The following ANO3 variants were observed in gnomAD, a reference collection of about 807,000 sequenced individuals.
ANO3 encodes the protein anoctamin 3.
Under a neutral mutation model 144.8 loss-of-function variants are expected in ANO3, and 99 were observed. The ratio of observed to expected loss-of-function variants is 0.68; its 90% CI spans 0.58 to 0.81. The LOEUF is 0.81. Among genes scored for constraint, ANO3 ranks in the 30% least tolerant of loss-of-function variants. The pLI is 0.00. For missense variants in ANO3, 905 were observed against 1,202.2 expected (o/e 0.75, Z 3.66); for synonymous variants, 414 against 392.6 (o/e 1.05, Z -0.64).
intron 1 of ANO3, among the ~76,000 whole-genome samples, chr11:26,368,173 T>C (rs943484214): frequency 6.6e-6 from 1 of 152,224 alleles, no homozygotes; most frequent in Non-Finnish European, 1.5e-5. Flanking sequence ...AGCATTAAAT[T>C]CCACCTGAGT....
chr11:26,531,444 G>C, intron 8 of ANO3, 108 bp downstream of exon 8: 2 of 1,260,062 alleles, frequency 1.6e-6, no homozygotes, highest in Admixed American at 2.6e-5. Context: ...ATACGTCAGA[G>C]AACTTATCAT....
intron 12 of ANO3, among the ~76,000 whole-genome samples, chr11:26,551,344 C>T (rs2134225701): frequency 6.7e-6 from 1 of 148,732 alleles, no homozygotes; most frequent in South Asian, 2.2e-4. Context: ...TCAAGCACTG[C>T]AAAAGAAATT....
chr11:26,248,789 G>A (rs1007681140), intron 1 of ANO3, among the ~76,000 whole-genome samples: 3 of 152,136 alleles, frequency 2.0e-5, no homozygotes, highest in Non-Finnish European at 4.4e-5. Context: ...CCTGGGCAGG[G>A]ACTAGTACTG....
At chr11:26,432,388 C>G (rs972701804) in intron 1 of ANO3, among the ~76,000 whole-genome samples, 5 of 151,464 alleles carry the variant, frequency 3.3e-5, no homozygotes, top group Admixed American at 6.6e-5. Flanking sequence ...TAGTTTCTTT[C>G]CCTGCGAAGA....
In ANO3 at chr11:26,512,234, T is replaced by C. The variant is rs569760543; in HGVS notation, c.591+3972T>C. Among the ~76,000 whole-genome samples, 4 of 152,286 alleles carry C rather than the reference T, an allele frequency of 2.6e-5. No homozygotes were observed. In the South Asian group the frequency reaches 8.3e-4, roughly 32 times the overall value. Reference sequence around the variant, plus strand: ...CACCCTGTGCTAACAATTTGCAGAGTGACTTTGTAAAAACGTAATTTTTAA... The same window carrying C: ...CACCCTGTGCTAACAATTTGCAGAGCGACTTTGTAAAAACGTAATTTTTAA... On this transcript the variant is annotated intron_variant, in intron 5 of 26. Transcript: ENST00000256737.
chr11:26,223,758 C>G (rs1325558518), intron 1 of ANO3, among the ~76,000 whole-genome samples: 1 of 151,798 alleles, frequency 6.6e-6, no homozygotes, highest in Non-Finnish European at 1.5e-5. Flanking sequence ...GGCACAAAGT[C>G]AAGCAGGAGC....
chr11:26,491,064 G>A (rs1294379674), intron 4 of ANO3, among the ~76,000 whole-genome samples: 1 of 152,136 alleles, frequency 6.6e-6, no homozygotes, highest in East Asian at 1.9e-4. Context: ...CTGGGAGTAT[G>A]GACTAAATGC....
chr11:26,601,774 C>G (rs1192820999), intron 17 of ANO3, among the ~76,000 whole-genome samples: 1 of 152,132 alleles, frequency 6.6e-6, no homozygotes, highest in Admixed American at 6.6e-5. Flanking sequence ...GCAATTGGCC[C>G]TATTATCTGG....
In ANO3 at chr11:26,338,769, T is replaced by TA. The variant is rs1207831212; in HGVS notation, c.46+6448_46+6449insA. ...ACACTTGCTGTGAGGGTCTGGGGCT[T>TA]CACTCCTGAAGTCAGTGAGACCACG... is the stretch of plus-strand genomic sequence containing the variant. On this transcript the variant is annotated intron_variant, in intron 1 of 26. Transcript: ENST00000256737. Among the ~76,000 whole-genome samples, 5 of 152,122 alleles carry TA rather than the reference T, an allele frequency of 3.3e-5. No individual in the cohort carries two copies. In the South Asian group the frequency reaches 8.3e-4, roughly 25 times the overall value.
At chr11:26,331,450 G>C (rs1855038044), upstream of ANO3, 1 of 152,252 alleles carries the variant, frequency 6.6e-6, no homozygotes, top group East Asian at 1.9e-4. Flanking sequence ...TGATTTATGT[G>C]GTCTTGAGAA....
intron 1 of ANO3, among the ~76,000 whole-genome samples, chr11:26,204,281 T>C (rs1401346926): frequency 2.0e-5 from 3 of 152,100 alleles, no homozygotes; most frequent in African/African-American, 7.2e-5. Flanking sequence ...CCTTTCAATA[T>C]GTCTGGAGTT....
intron 1 of ANO3, among the ~76,000 whole-genome samples, chr11:26,395,674 G>C (rs533359613): frequency 1.5e-4 from 23 of 152,050 alleles, no homozygotes; most frequent in Non-Finnish European, 2.6e-4. Context: ...TGACAAACCT[G>C]ACAAAAACAA....
chr11:26,400,381 A>T (rs896810543), intron 1 of ANO3, among the ~76,000 whole-genome samples: 1 of 152,060 alleles, frequency 6.6e-6, no homozygotes. Flanking sequence ...AAAGGAAGTG[A>T]TCATCTAGAA....
chr11:26,454,029 G>A (rs1037621164), intron 3 of ANO3, among the ~76,000 whole-genome samples: 4 of 151,932 alleles, frequency 2.6e-5, no homozygotes, highest in African/African-American at 9.7e-5. Flanking sequence ...TGAAACCAAC[G>A]AGAACAAAGA....
chr11:26,338,553 C>A (rs1010317153), intron 1 of ANO3, among the ~76,000 whole-genome samples: 3 of 152,154 alleles, frequency 2.0e-5, no homozygotes, highest in African/African-American at 7.2e-5. Flanking sequence ...GGTCCCCTTC[C>A]ATGGTGTGGA....
chr11:26,233,451 G>A (rs1852447300), intron 1 of ANO3, among the ~76,000 whole-genome samples: 1 of 152,154 alleles, frequency 6.6e-6, no homozygotes, highest in African/African-American at 2.4e-5. Context: ...GACAGATGCT[G>A]GAAAGGATGT....
chr11:26,385,042 G>T (rs1856686739), intron 1 of ANO3, among the ~76,000 whole-genome samples: 1 of 151,898 alleles, frequency 6.6e-6, no homozygotes, highest in African/African-American at 2.4e-5. Context: ...AATCCTATCT[G>T]TTCTTCAAAA....
chr11:26,509,604 C>T (rs1861576448), intron 5 of ANO3, among the ~76,000 whole-genome samples: 1 of 152,032 alleles, frequency 6.6e-6, no homozygotes, highest in Non-Finnish European at 1.5e-5. Context: ...TGAGCTCCTG[C>T]GCCCGGCGCT....
At chr11:26,504,761 C>A (rs1474082085) in intron 4 of ANO3, among the ~76,000 whole-genome samples, 1 of 150,924 alleles carries the variant, frequency 6.6e-6, no homozygotes, top group Non-Finnish European at 1.5e-5. Context: ...CGGTGGCTCA[C>A]GCCTGTAATC....
Sources: gnomAD v4.1 joint callset for allele counts (sites outside exome capture counted in the v4.1 genomes callset) on GRCh38, gnomAD v4.1.1 for gene constraint, MANE v1.5 for transcripts, NCBI Gene and HGNC (gene_info 2026-07-23, HGNC 2026-07-21) for gene names.